PEAK1: variants seen among roughly 807,000 people sequenced by gnomAD.
PEAK1 encodes pseudopodium enriched atypical kinase 1.
A neutral mutation model predicts 124.7 loss-of-function variants in PEAK1; 54 were observed. The ratio of observed to expected loss-of-function variants is 0.43; its 90% CI spans 0.35 to 0.54. PEAK1 has a LOEUF of 0.54. Among genes scored for constraint, PEAK1 ranks in the 20% least tolerant of loss-of-function variants. The pLI is 0.01. For synonymous variants in PEAK1, 719 were observed against 760.0 expected, an observed-to-expected ratio of 0.95 and a Z score of 0.89; for missense variants, 2,046 against 2,134.5, an observed-to-expected ratio of 0.96 and a Z score of 0.82.
chr15:77,204,559 C>G (rs997860148), intron 6 of PEAK1: 3 of 152,682 alleles, frequency 2.0e-5, no homozygotes, highest in African/African-American at 7.2e-5. Flanking sequence ...ATACCCTCCC[C>G]ACTGCCAAGA....
chr15:77,368,722 G>A (rs1299790907), intron 1 of PEAK1, among the ~76,000 whole-genome samples: 2 of 152,170 alleles, frequency 1.3e-5, no homozygotes, highest in African/African-American at 2.4e-5. Context: ...TAATCAACAA[G>A]TAAAAATATA....
intron 5 of PEAK1, among the ~76,000 whole-genome samples, chr15:77,275,558 A>G (rs2062270176): frequency 6.6e-6 from 1 of 152,016 alleles, no homozygotes; most frequent in African/African-American, 2.4e-5. Context: ...TCTACTAAAA[A>G]TACAAAAATT....
At chr15:77,267,277 C>A (rs2061786964) in intron 5 of PEAK1, among the ~76,000 whole-genome samples, 1 of 152,122 alleles carries the variant, frequency 6.6e-6, no homozygotes, top group African/African-American at 2.4e-5. Context: ...GATGGTCCTG[C>A]TGGTAGCTGA....
chr15:77,366,346 T>C lies in PEAK1; in HGVS notation c.-665-1121A>G, dbSNP rs1404770803. ...AGAGAAAAAAACAACCCTGCTGACA[T>C]GTATTAGACATGTAACATGAGCAAG... On this transcript the variant is annotated intron_variant, in intron 1 of 9. Coordinates refer to ENST00000682557, the MANE Select transcript of PEAK1 (RefSeq NM_001385026.1). Among the ~76,000 whole-genome samples the C allele has an allele frequency of 2.6e-5, 4 of 152,156 alleles. No homozygotes were observed. In the East Asian group the frequency reaches 7.7e-4, roughly 29 times the overall value.
At chr15:77,274,758 T>G (rs2062222485) in intron 5 of PEAK1, among the ~76,000 whole-genome samples, 1 of 152,066 alleles carries the variant, frequency 6.6e-6, no homozygotes, top group African/African-American at 2.4e-5. Flanking sequence ...AGTATGGAGA[T>G]TCCTTAAAGA....
chr15:77,192,410 A>G (rs1388720147), intron 6 of PEAK1, among the ~76,000 whole-genome samples: 2 of 152,200 alleles, frequency 1.3e-5, no homozygotes, highest in Non-Finnish European at 1.5e-5. Context: ...TTTCCACAGG[A>G]CTGTTCTCAA....
At position 77,181,353 on chromosome 15, in the gene PEAK1, G is replaced by A. The variant is rs2057259362; in HGVS notation, c.574C>T (p.Leu192Phe). ...DCYKRSLERKLPPSCMIGGIK... is the reference protein window; with the variant it reads ...DCYKRSLERKFPPSCMIGGIK... ...CCACCTATCATGCAACTTGGTGGAA[G>A]CTTTCTTTCCAATGATCGTTTATAG... The change falls in exon 7 of 10, where the codon CTT (leucine) becomes TTT (phenylalanine). Residue 192 changes from leucine to phenylalanine, a missense_variant. By Grantham distance (22) the Leu-to-Phe change is conservative. Coordinates refer to ENST00000682557, the MANE Select transcript of PEAK1 (RefSeq NM_001385026.1). The A allele has an allele frequency of 6.2e-7, 1 of 1,614,138 alleles. No individual in the cohort carries two copies. Among genetic ancestry groups the A allele is most frequent in the Non-Finnish European group, 8.5e-7 (1 of 1,180,028 alleles).
chr15:77,403,168 G>C (rs922429411), intron 1 of PEAK1: 4 of 985,294 alleles, frequency 4.1e-6, no homozygotes, highest in Non-Finnish European at 4.8e-6. Flanking sequence ...TACTTTGCCT[G>C]TATCATCTTG....
At chr15:77,388,349 T>C (rs1213489887) in intron 1 of PEAK1, among the ~76,000 whole-genome samples, 1 of 152,350 alleles carries the variant, frequency 6.6e-6, no homozygotes, top group Admixed American at 6.5e-5. Context: ...GTGATAGATA[T>C]GACATGCTAA....
At chr15:77,397,162 G>C (rs528745376) in intron 1 of PEAK1, among the ~76,000 whole-genome samples, 1 of 152,260 alleles carries the variant, frequency 6.6e-6, no homozygotes, top group South Asian at 2.1e-4. Context: ...GAGGAATTTT[G>C]TAAACTATAT....
intron 6 of PEAK1, chr15:77,204,703 G>C (rs1227285221): frequency 6.6e-6 from 1 of 152,650 alleles, no homozygotes; most frequent in Non-Finnish European, 1.5e-5. Flanking sequence ...AGGAGTTTAA[G>C]ACCAGCCTGG....
intron 6 of PEAK1, among the ~76,000 whole-genome samples, chr15:77,189,498 A>C (rs193170347): frequency 3.3e-5 from 5 of 152,322 alleles, no homozygotes; most frequent in African/African-American, 4.8e-5. Flanking sequence ...ATGAATGAAG[A>C]AGTGTAAGAA....
chr15:77,373,624 G>C (rs139097338), intron 1 of PEAK1, among the ~76,000 whole-genome samples: 1 of 152,258 alleles, frequency 6.6e-6, no homozygotes, highest in East Asian at 1.9e-4. Context: ...GGTAAAACAA[G>C]AAAGCCTGAC....
intron 1 of PEAK1, among the ~76,000 whole-genome samples, chr15:77,415,954 C>T (rs1335159000): frequency 6.6e-6 from 1 of 152,200 alleles, no homozygotes; most frequent in Non-Finnish European, 1.5e-5. Flanking sequence ...AAGACTCCTT[C>T]AGAGTCCTTT....
intron 5 of PEAK1, among the ~76,000 whole-genome samples, chr15:77,260,246 A>G (rs2061371232): frequency 6.6e-6 from 1 of 152,202 alleles, no homozygotes; most frequent in Non-Finnish European, 1.5e-5. Flanking sequence ...CCTAGAACTG[A>G]ACAAACTAAT....
chr15:77,250,250 T>G, intron 6 of PEAK1, among the ~76,000 whole-genome samples: 1 of 70,778 alleles, frequency 1.4e-5, no homozygotes, highest in Non-Finnish European at 3.8e-5. Context: ...TATATATATA[T>G]ATATATATTT....
chr15:77,226,891 C>T (rs182429671), intron 6 of PEAK1, among the ~76,000 whole-genome samples: 1 of 152,278 alleles, frequency 6.6e-6, no homozygotes, highest in African/African-American at 2.4e-5. Context: ...GTGATTTGCT[C>T]ATAGACCTAG....
At chr15:77,136,978 C>T (rs1338522684) in intron 8 of PEAK1, among the ~76,000 whole-genome samples, 1 of 152,202 alleles carries the variant, frequency 6.6e-6, no homozygotes, top group Admixed American at 6.5e-5. Context: ...GACTTGGTGC[C>T]CTGTATCTTA....
At chr15:77,267,018 C>A (rs1048257051) in intron 5 of PEAK1, among the ~76,000 whole-genome samples, 4 of 152,096 alleles carry the variant, frequency 2.6e-5, no homozygotes, top group Admixed American at 1.3e-4. Flanking sequence ...GGGAGTGGGA[C>A]CAGCCTTTTG....
Sources: gnomAD v4.1 joint callset for allele counts (sites outside exome capture counted in the v4.1 genomes callset) on GRCh38, gnomAD v4.1.1 for gene constraint, MANE v1.5 for transcripts, NCBI Gene and HGNC (gene_info 2026-07-23, HGNC 2026-07-21) for gene names.